Variants in SLC22A3 observed in about 807,000 individuals in gnomAD.
SLC22A3 encodes the protein EMT organic cation transporter 3.
Under a neutral mutation model 59.1 loss-of-function variants are expected in SLC22A3, and 51 were observed. That is an observed-to-expected ratio of 0.86 (90% CI 0.69 to 1.09). The LOEUF (loss-of-function observed/expected upper bound fraction) is 1.09. Among genes scored for constraint, SLC22A3 ranks in the 50% least tolerant of loss-of-function variants. SLC22A3 has a pLI of 0.00. For synonymous variants in SLC22A3, 325 were observed against 292.0 expected (o/e 1.11, Z -1.15); for missense variants, 711 against 726.3 (o/e 0.98, Z 0.24).
intron 5 of SLC22A3, among the ~76,000 whole-genome samples, chr6:160,412,630 C>T (rs768970744): frequency 5.3e-5 from 8 of 152,166 alleles, no homozygotes; most frequent in Non-Finnish European, 1.0e-4. Context: ...ATCCTTGTCA[C>T]TCTTTGAGTG....
intron 1 of SLC22A3, among the ~76,000 whole-genome samples, chr6:160,350,483 G>A (rs1784622930): frequency 6.6e-6 from 1 of 152,216 alleles, no homozygotes; most frequent in African/African-American, 2.4e-5. Context: ...TTGGATGAGA[G>A]AGGGCATTAT....
chr6:160,439,547 A>C (rs1045808625), intron 7 of SLC22A3, among the ~76,000 whole-genome samples: 2 of 152,246 alleles, frequency 1.3e-5, no homozygotes, highest in South Asian at 2.1e-4. Flanking sequence ...TCAAGACAGA[A>C]GTAACTAGCC....
chr6:160,437,943 C>T (rs999957861), intron 7 of SLC22A3, among the ~76,000 whole-genome samples: 10 of 152,082 alleles, frequency 6.6e-5, no homozygotes, highest in African/African-American at 2.4e-4. Context: ...AGACAAGGAG[C>T]CTGAGAGATG....
intron 9 of SLC22A3, among the ~76,000 whole-genome samples, chr6:160,445,103 A>G (rs1408645003): frequency 3.3e-5 from 5 of 152,212 alleles, no homozygotes; most frequent in Non-Finnish European, 5.9e-5. Flanking sequence ...GAGACAGCCG[A>G]ATTTCTAAAA....
intron 1 of SLC22A3, among the ~76,000 whole-genome samples, chr6:160,371,934 C>A (rs2114775345): frequency 6.6e-6 from 1 of 152,286 alleles, no homozygotes; most frequent in Middle Eastern, 3.4e-3. Context: ...CCAGTGATGA[C>A]AAGCTTTTTT....
intron 2 of SLC22A3, among the ~76,000 whole-genome samples, chr6:160,401,934 C>T (rs1218443378): frequency 1.3e-5 from 2 of 151,342 alleles, no homozygotes; most frequent in African/African-American, 2.4e-5. Flanking sequence ...AATGAAACCA[C>T]AAAAGCCAGG....
intron 1 of SLC22A3, among the ~76,000 whole-genome samples, chr6:160,379,827 C>T (rs763012246): frequency 6.6e-6 from 1 of 152,088 alleles, no homozygotes; most frequent in African/African-American, 2.4e-5. Context: ...TTTATTTCTC[C>T]CATCATTGAA....
intron 5 of SLC22A3, among the ~76,000 whole-genome samples, chr6:160,421,285 G>A (rs1787724982): frequency 6.6e-6 from 1 of 152,162 alleles, no homozygotes; most frequent in Admixed American, 6.5e-5. Context: ...CCTATTGCTT[G>A]GTGGAGAGCC....
At chr6:160,402,530 C>T (rs1273100355) in intron 2 of SLC22A3, among the ~76,000 whole-genome samples, 1 of 151,776 alleles carries the variant, frequency 6.6e-6, no homozygotes, top group Non-Finnish European at 1.5e-5. Context: ...CATCATCAAT[C>T]AACTGTATCT....
intron 1 of SLC22A3, among the ~76,000 whole-genome samples, chr6:160,362,908 G>A (rs866136066): frequency 6.6e-5 from 10 of 152,178 alleles, no homozygotes; most frequent in Admixed American, 5.9e-4. Context: ...GAGGGTGCAC[G>A]AGAACGTCCC....
intron 1 of SLC22A3, among the ~76,000 whole-genome samples, chr6:160,362,351 A>G (rs1785043190): frequency 6.6e-6 from 1 of 152,346 alleles, no homozygotes. Context: ...TCTGTCTTCA[A>G]GGAGCACTTC....
At chr6:160,445,593 C>T (rs901222318) in intron 9 of SLC22A3, among the ~76,000 whole-genome samples, 1 of 152,132 alleles carries the variant, frequency 6.6e-6, no homozygotes, top group African/African-American at 2.4e-5. Context: ...TTGGGGGTGA[C>T]AATTCAAGGA....
At chr6:160,390,223 G>A (rs1236864518) in intron 1 of SLC22A3, among the ~76,000 whole-genome samples, 4 of 152,052 alleles carry the variant, frequency 2.6e-5, no homozygotes, top group Non-Finnish European at 5.9e-5. Context: ...TGGGGCAAAA[G>A]CTTATATATT....
chr6:160,433,681 T>A (rs1263408557), intron 5 of SLC22A3, among the ~76,000 whole-genome samples: 1 of 152,160 alleles, frequency 6.6e-6, no homozygotes, highest in East Asian at 1.9e-4. Context: ...CACTCTAGCC[T>A]AGGTGACAGA....
In SLC22A3 at chr6:160,410,762, T is replaced by G. The variant is rs761649428; in HGVS notation, c.891T>G (p.Thr297=). Residue 297 remains threonine, a synonymous_variant, in exon 5 of 11, where the codon ACT becomes ACG. Coordinates refer to ENST00000275300, the MANE Select transcript of SLC22A3 (RefSeq NM_021977.4). ...CTGAGTCTCCCCGTTGGCTGATTAC[T>G]CGGAAGAAAGGAGATAAAGCATTAC... ...VVPESPRWLI[T]RKKGDKALQI... 1.2e-6 allele frequency: 2 copies of G among 1,613,326 alleles called. No homozygotes were observed. Among genetic ancestry groups the G allele is most frequent in the Non-Finnish European group, 1.7e-6 (2 of 1,179,526 alleles).
intron 5 of SLC22A3, among the ~76,000 whole-genome samples, chr6:160,422,644 C>G (rs968069215): frequency 6.6e-6 from 1 of 152,134 alleles, no homozygotes; most frequent in East Asian, 1.9e-4. Context: ...ATTTCATATA[C>G]AGAAAGGCAA....
At chr6:160,397,594 C>T (rs1786535378) in intron 1 of SLC22A3, among the ~76,000 whole-genome samples, 2 of 151,780 alleles carry the variant, frequency 1.3e-5, no homozygotes, top group African/African-American at 2.4e-5. Flanking sequence ...ATTAGATGGG[C>T]GTGGTGGCGC....
intron 1 of SLC22A3, among the ~76,000 whole-genome samples, chr6:160,378,927 A>T (rs1785696486): frequency 6.6e-6 from 1 of 152,190 alleles, no homozygotes; most frequent in Non-Finnish European, 1.5e-5. Context: ...CTGGAAAAAG[A>T]TCAAAATTAA....
intron 1 of SLC22A3, among the ~76,000 whole-genome samples, chr6:160,376,532 T>C (rs1437754748): frequency 6.6e-6 from 1 of 152,218 alleles, no homozygotes. Context: ...AAAATTTTTT[T>C]TTAAGTGAAT....
Sources: gnomAD v4.1 joint callset for allele counts (sites outside exome capture counted in the v4.1 genomes callset) on GRCh38, gnomAD v4.1.1 for gene constraint, MANE v1.5 for transcripts, NCBI Gene and HGNC (gene_info 2026-07-23, HGNC 2026-07-21) for gene names.